Variants in MYO3B observed in about 807,000 individuals in gnomAD.
The protein encoded by MYO3B is myosin-IIIb.
MYO3B carries 156 observed loss-of-function variants against 174.6 expected under a neutral mutation model. The observed-to-expected ratio is 0.89, with a 90% CI of 0.78 to 1.02. The LOEUF (loss-of-function observed/expected upper bound fraction) is 1.02. Ranked by LOEUF, MYO3B falls within the 50% of genes least tolerant of loss-of-function variation. The pLI is 0.00. For synonymous variants in MYO3B, 563 were observed against 569.1 expected (o/e 0.99, Z 0.15); for missense variants, 1,632 against 1,639.4 (o/e 1.00, Z 0.08).
chr2:170,586,640 G>A (rs1382536109), intron 32 of MYO3B, among the ~76,000 whole-genome samples: 1 of 152,108 alleles, frequency 6.6e-6, no homozygotes, highest in African/African-American at 2.4e-5. Context: ...CATTTTCTGT[G>A]AGATGAAAAG....
chr2:170,180,038 T>C (rs2092377917), intron 1 of MYO3B: 1 of 245,462 alleles, frequency 4.1e-6, no homozygotes, highest in African/African-American at 2.2e-5. Flanking sequence ...AATAGCATAC[T>C]GAGCAATGGA....
intron 32 of MYO3B, among the ~76,000 whole-genome samples, chr2:170,586,496 G>C (rs1356084689): frequency 6.6e-6 from 1 of 152,184 alleles, no homozygotes; most frequent in East Asian, 1.9e-4. Context: ...AAAATATTTA[G>C]CAATTACATG....
At chr2:170,395,181 C>T (rs10172231) in intron 16 of MYO3B, among the ~76,000 whole-genome samples, 5,944 of 152,158 alleles carry the variant, frequency 0.039, 364 homozygotes, top group African/African-American at 0.13. Context: ...GAGGAGTCTT[C>T]CACTAATAAT....
intron 23 of MYO3B, among the ~76,000 whole-genome samples, chr2:170,462,178 C>T (rs1684334987): frequency 6.6e-6 from 1 of 152,164 alleles, no homozygotes; most frequent in Non-Finnish European, 1.5e-5. Context: ...GTCAAACCTA[C>T]AGGCAGTTAT....
chr2:170,182,168 ATT>A (rs892458724), intron 1 of MYO3B, among the ~76,000 whole-genome samples: 8 of 151,932 alleles, frequency 5.3e-5, no homozygotes, highest in Non-Finnish European at 8.8e-5. Context: ...ATGTTTATCA[ATT>A]TTTTTCTTAG....
chr2:170,630,896 C>T (rs548192414), intron 32 of MYO3B, among the ~76,000 whole-genome samples: 1 of 152,368 alleles, frequency 6.6e-6, no homozygotes, highest in South Asian at 2.1e-4. Context: ...AAAACCCCAT[C>T]TGTAGGTCAC....
At chr2:170,316,953 A>T (rs535548911) in intron 7 of MYO3B, among the ~76,000 whole-genome samples, 1 of 152,258 alleles carries the variant, frequency 6.6e-6, no homozygotes, top group Non-Finnish European at 1.5e-5. Flanking sequence ...ATTGACTCTC[A>T]CTTTGTAAAG....
At chr2:170,511,316 T>A (rs576982734) in intron 28 of MYO3B, among the ~76,000 whole-genome samples, 1 of 152,178 alleles carries the variant, frequency 6.6e-6, no homozygotes, top group South Asian at 2.1e-4. Flanking sequence ...TCCGCCTGCC[T>A]CGGCTTCCCA....
chr2:170,259,510 G>A (rs1259999197), intron 7 of MYO3B, among the ~76,000 whole-genome samples: 1 of 152,172 alleles, frequency 6.6e-6, no homozygotes, highest in Non-Finnish European at 1.5e-5. Flanking sequence ...TCCTTTTGCA[G>A]AAGAATGAAG....
intron 7 of MYO3B, among the ~76,000 whole-genome samples, chr2:170,274,117 T>TGA (rs1182044046): frequency 6.7e-6 from 1 of 149,520 alleles, no homozygotes; most frequent in Non-Finnish European, 1.5e-5. Context: ...AGATCAAGAC[T>TGA]GAGAGAGAGA....
chr2:170,617,241 A>G (rs11892590), intron 32 of MYO3B, among the ~76,000 whole-genome samples: 79,805 of 151,952 alleles, frequency 0.53, 22,408 homozygotes, highest in Non-Finnish European at 0.64. Context: ...AGAATTTTCT[A>G]TAGAATATTG....
intron 7 of MYO3B, among the ~76,000 whole-genome samples, chr2:170,254,702 G>C (rs2093288948): frequency 6.6e-6 from 1 of 152,218 alleles, no homozygotes; most frequent in Non-Finnish European, 1.5e-5. Context: ...TCTGTGGCCA[G>C]AGCTTGAGTG....
Position 170,471,685 on chromosome 2 carries a change from T to C in MYO3B, c.3014+4974T>C, listed in dbSNP as rs556541267. Among the ~76,000 whole-genome samples the C allele has an allele frequency of 4.6e-5, 7 of 152,264 alleles. No individual in the cohort carries two copies. In the South Asian group the frequency reaches 1.5e-3, roughly 32 times the overall value. ...TTCCTCCCATTGAATTGTCCTTGGA[T>C]TCTTGTTGAAAATCACTTGACCAGG... is the stretch of plus-strand genomic sequence containing the variant. On this transcript the variant is annotated intron_variant, in intron 25 of 34. Transcript: ENST00000408978.
chr2:170,653,506 C>A lies in MYO3B; in HGVS notation c.*385C>A. ...TTTCCTATCAAGTTACTTTTCAATC[C>A]ATTCAGAATCTGCCCCAGTGGAGAC... is the stretch of plus-strand genomic sequence containing the variant. On this transcript the variant is annotated 3_prime_UTR_variant, in exon 35 of 35. Coordinates refer to ENST00000408978, the MANE Select transcript of MYO3B (RefSeq NM_138995.5). The A allele has an allele frequency of 5.7e-6, 1 of 175,384 alleles. No individual in the cohort carries two copies. The highest frequency in any genetic ancestry group is 1.2e-5 in the Non-Finnish European group (1 of 81,756). 10.9% of individuals were successfully genotyped at this position (175,384 alleles called of 1,614,324 possible).
rs60318428 is a variant in MYO3B, at chr2:170,569,518, G to GTT, written c.3733+25547_3733+25548dup. On this transcript the variant is annotated intron_variant, in intron 32 of 34. Coordinates refer to ENST00000408978, the MANE Select transcript of MYO3B (RefSeq NM_138995.5). The stretch of plus-strand genomic sequence containing the variant: ...GACAGAATCTATAAAACTGGGCTGA[G>GTT]TTTTTTTTTTTTTTTTTTAAGCTTT... 4.5e-3 allele frequency among the ~76,000 whole-genome samples: 609 copies of GTT among 136,578 alleles called. 10 individuals carry two copies. The highest frequency in any genetic ancestry group is 8.0e-3 in the African/African-American group (299 of 37,324). The allele number at this position is 136,578 out of a possible 152,430, so 89.6% of individuals were successfully genotyped here.
intron 7 of MYO3B, 69 bp from the exon 8 acceptor site, chr2:170,335,316 A>C (rs2093939774): frequency 2.5e-6 from 3 of 1,180,884 alleles, no homozygotes; most frequent in Non-Finnish European, 3.7e-6. Context: ...ATATCAATAA[A>C]AACAAGTTGA....
chr2:170,361,014 A>C (rs752242133), intron 8 of MYO3B, among the ~76,000 whole-genome samples: 3 of 152,234 alleles, frequency 2.0e-5, no homozygotes, highest in Non-Finnish European at 4.4e-5. Flanking sequence ...TAGCACTCAT[A>C]CTGCTAATTA....
At chr2:170,613,323 C>A (rs1299971874) in intron 32 of MYO3B, among the ~76,000 whole-genome samples, 1 of 152,198 alleles carries the variant, frequency 6.6e-6, no homozygotes, top group African/African-American at 2.4e-5. Flanking sequence ...GATGGGACTT[C>A]ACAGAAGAGG....
At chr2:170,186,604 C>A (rs1234601741) in intron 1 of MYO3B, among the ~76,000 whole-genome samples, 1 of 152,092 alleles carries the variant, frequency 6.6e-6, no homozygotes, top group African/African-American at 2.4e-5. Flanking sequence ...GTGCCTTTGT[C>A]AGGTTTTGGT....
Sources: allele counts gnomAD v4.1 joint callset (sites outside exome capture counted in the v4.1 genomes callset), GRCh38; gene constraint gnomAD v4.1.1; transcripts MANE v1.5; gene names NCBI Gene and HGNC (gene_info 2026-07-23, HGNC 2026-07-21).